WDR43: variants seen among roughly 807,000 people sequenced by gnomAD.
The protein encoded by WDR43 is WD repeat domain 43, also known as WD repeat-containing protein 43.
In WDR43, 13 loss-of-function variants were observed where a neutral mutation model predicts 91.4. The observed-to-expected ratio is 0.14, with a 90% CI of 0.09 to 0.23. WDR43 has a LOEUF of 0.23. Ranked by LOEUF, WDR43 falls within the 10% of genes least tolerant of loss-of-function variation. The probability of loss-of-function intolerance (pLI) is 1.00; values close to 1 mark genes in which losing one functional copy is unlikely to be tolerated. For missense variants in WDR43, 780 were observed against 809.4 expected (o/e 0.96, Z 0.44); for synonymous variants, 331 against 287.9 (o/e 1.15, Z -1.51).
At chr2:28,934,606 A>G (rs1274023082) in intron 11 of WDR43, among the ~76,000 whole-genome samples, 1 of 152,118 alleles carries the variant, frequency 6.6e-6, no homozygotes, top group East Asian at 1.9e-4. Context: ...TTATTTGCTG[A>G]TTTTAAATTA....
At chr2:28,942,447 G>A in intron 16 of WDR43, 66 bp downstream of exon 16, 1 of 1,528,300 alleles carries the variant, frequency 6.5e-7, no homozygotes. Flanking sequence ...ACTGAGTTCT[G>A]TTATCTTTTT....
At chr2:28,903,586 T>C (rs530060217) in intron 2 of WDR43, among the ~76,000 whole-genome samples, 2 of 152,206 alleles carry the variant, frequency 1.3e-5, no homozygotes, top group Non-Finnish European at 2.9e-5. Flanking sequence ...TACTCAACTA[T>C]AAATGAATTT....
In WDR43 at chr2:28,946,612, G is replaced by GAAGATGAGGAGGAGAGTGAAAGTGAAA. The variant is rs1278577937; in HGVS notation, c.1878_1904dup (p.Glu626_Glu634dup). On this transcript the variant is annotated inframe_insertion, in exon 18 of 18. Transcript: ENST00000407426. ...GTATTTCGACTAGGATAATTGGGAT[G>GAAGATGAGGAGGAGAGTGAAAGTGAAA]AAGATGAGGAGGAGAGTGAAAGTGA... 1.3e-6 allele frequency: 2 copies of GAAGATGAGGAGGAGAGTGAAAGTGAAA among 1,558,236 alleles called. No individual in the cohort carries two copies. Among genetic ancestry groups the GAAGATGAGGAGGAGAGTGAAAGTGAAA allele is most frequent in the Non-Finnish European group, 1.7e-6 (2 of 1,150,326 alleles).
rs1024594464 is a variant in WDR43 at position 28,895,040 on chromosome 2, G to A, written c.225+117G>A. ...GGCTCTCAGCGGCCCGGGCCAGAAGGCTTGGAGGCGGCGTCGGCGCGTTCA... is the reference window on the plus strand; with the variant it reads ...GGCTCTCAGCGGCCCGGGCCAGAAGACTTGGAGGCGGCGTCGGCGCGTTCA... On this transcript the variant is annotated intron_variant, in intron 1 of 17. Coordinates refer to ENST00000407426, the MANE Select transcript of WDR43 (RefSeq NM_015131.3). 1.5e-4 allele frequency: 163 copies of A among 1,090,190 alleles called. 1 individual carries two copies. The highest frequency in any genetic ancestry group is 1.8e-4 in the Non-Finnish European group (153 of 838,566). The allele number at this position is 1,090,190 out of a possible 1,614,324, so 67.5% of individuals were successfully genotyped here. A position where few individuals can be genotyped will look rare whatever the true frequency, so the allele number is the denominator to read the frequency against.
intron 11 of WDR43, chr2:28,929,956 A>T: frequency 1.8e-6 from 1 of 569,626 alleles, no homozygotes; most frequent in Non-Finnish European, 3.3e-6. Context: ...GTTCTGAATT[A>T]TTAGGTTATT....
chr2:28,922,572 A>G (rs143230617), intron 6 of WDR43, among the ~76,000 whole-genome samples: 57 of 152,304 alleles, frequency 3.7e-4, no homozygotes, highest in East Asian at 2.9e-3. Flanking sequence ...ACCCCTTCCT[A>G]GCCATACAGG....
At chr2:28,921,505 A>G (rs1671025328) in intron 6 of WDR43, among the ~76,000 whole-genome samples, 1 of 152,206 alleles carries the variant, frequency 6.6e-6, no homozygotes. Flanking sequence ...TTCATGTAAG[A>G]TTGTAGTTAA....
Position 28,947,344 on chromosome 2 carries a change from A to G in WDR43, c.*565A>G, listed in dbSNP as rs1464226064. 2.6e-5 allele frequency: 4 copies of G among 152,208 alleles called. No individual in the cohort carries two copies. Among genetic ancestry groups the G allele is most frequent in the African/African-American group, 9.7e-5 (4 of 41,448 alleles). 9.4% of individuals were successfully genotyped at this position (152,208 alleles called of 1,614,324 possible). On this transcript the variant is annotated 3_prime_UTR_variant, in exon 18 of 18. Coordinates refer to ENST00000407426, the MANE Select transcript of WDR43 (RefSeq NM_015131.3). The stretch of plus-strand genomic sequence containing the variant: ...CTTGTCTATTAACTGTGATAATCTG[A>G]CTTGAGTCAGATTGAATATTTGGAG...
In WDR43 at chr2:28,925,645, C is replaced by T. The variant is rs562848989; in HGVS notation, c.1086+492C>T. 3.9e-5 allele frequency among the ~76,000 whole-genome samples: 6 copies of T among 152,298 alleles called. No homozygotes were observed. The South Asian group carries it at 1.0e-3, about 26-fold the overall frequency. On this transcript the variant is annotated intron_variant, in intron 8 of 17. Coordinates refer to ENST00000407426, the MANE Select transcript of WDR43 (RefSeq NM_015131.3). ...ATGATTTAACATTGTTTACTAGAGACGTTTCTTGAAGACTTCTGAGTTATC... is the reference window on the plus strand; with the variant it reads ...ATGATTTAACATTGTTTACTAGAGATGTTTCTTGAAGACTTCTGAGTTATC...
At chr2:28,904,450 A>G (rs901968923) in intron 2 of WDR43, among the ~76,000 whole-genome samples, 4 of 152,250 alleles carry the variant, frequency 2.6e-5, no homozygotes, top group Non-Finnish European at 5.9e-5. Context: ...AAGTGAGTGA[A>G]CACATCGCTA....
chr2:28,947,433 C>CAA lies in WDR43; in HGVS notation c.*658_*659dup, dbSNP rs1278574335. On this transcript the variant is annotated 3_prime_UTR_variant, in exon 18 of 18. Coordinates refer to ENST00000407426, the MANE Select transcript of WDR43 (RefSeq NM_015131.3). The stretch of plus-strand genomic sequence containing the variant: ...TGTGAAGTATTTTTTTAAAACAAAA[C>CAA]AAAAATTATGGTCATTAAAAAACTA... 6.6e-6 allele frequency: 1 copy of CAA among 151,890 alleles called. No homozygotes were observed. Among genetic ancestry groups the CAA allele is most frequent in the East Asian group, 1.9e-4 (1 of 5,196 alleles). The allele number at this position is 151,890 out of a possible 1,614,324, so 9.4% of individuals were successfully genotyped here.
At chr2:28,896,622 T>C (rs1670486126) in intron 1 of WDR43, among the ~76,000 whole-genome samples, 3 of 152,186 alleles carry the variant, frequency 2.0e-5, no homozygotes, top group Non-Finnish European at 4.4e-5. Context: ...CAACAGATAG[T>C]TAATATTAGG....
chr2:28,926,177 C>G (rs1250459340), intron 8 of WDR43, among the ~76,000 whole-genome samples: 1 of 152,086 alleles, frequency 6.6e-6, no homozygotes, highest in East Asian at 1.9e-4. Flanking sequence ...TTTAAAAATT[C>G]TGTTGAACTT....
At chr2:28,918,032 T>G in intron 6 of WDR43, 37 bp downstream of exon 6, 1 of 1,494,914 alleles carries the variant, frequency 6.7e-7, no homozygotes, top group Non-Finnish European at 9.1e-7. Context: ...GTTTTTGGGT[T>G]TCACAGATGT....
chr2:28,907,469 T>TA (rs1670704753), intron 3 of WDR43, among the ~76,000 whole-genome samples: 1 of 21,880 alleles, frequency 4.6e-5, no homozygotes, highest in South Asian at 1.9e-3. Context: ...AAAAAAAAAA[T>TA]TGGGTGTGGT....
chr2:28,909,548 G>T (rs554955838), intron 3 of WDR43, among the ~76,000 whole-genome samples: 1 of 152,146 alleles, frequency 6.6e-6, no homozygotes. Context: ...ATCCTGAGCT[G>T]CCTGTTGCTA....
intron 6 of WDR43, among the ~76,000 whole-genome samples, chr2:28,920,936 C>T (rs1671012327): frequency 6.6e-6 from 1 of 152,060 alleles, no homozygotes; most frequent in Non-Finnish European, 1.5e-5. Flanking sequence ...CTTGGCCTCA[C>T]AAAGTGCTGG....
At position 28,940,642 on chromosome 2, in the gene WDR43, A is replaced by G. The variant is rs145130573; in HGVS notation, c.1621-819A>G. 7.7e-3 allele frequency among the ~76,000 whole-genome samples: 1,176 copies of G among 152,358 alleles called. 7 individuals are homozygous for G. The highest frequency in any genetic ancestry group is 9.6e-3 in the Non-Finnish European group (656 of 68,040). On this transcript the variant is annotated intron_variant, in intron 14 of 17. Transcript: ENST00000407426. ...CTGGACTTCCAAATGGCTTCCTTTA[A>G]AAAGAGGCATTTAAATTTTTCCAGT...
intron 14 of WDR43, among the ~76,000 whole-genome samples, chr2:28,940,077 A>C (rs1460916674): frequency 2.3e-5 from 3 of 132,820 alleles, no homozygotes; most frequent in Admixed American, 9.1e-5. Context: ...ATGGCACTGC[A>C]CTCCAGCCTG....
Sources: allele counts gnomAD v4.1 joint callset (sites outside exome capture counted in the v4.1 genomes callset), GRCh38; gene constraint gnomAD v4.1.1; transcripts MANE v1.5; gene names NCBI Gene and HGNC (gene_info 2026-07-23, HGNC 2026-07-21).